The following PEX5L variants were observed in gnomAD, a reference collection of about 807,000 sequenced individuals.
PEX5L encodes peroxisomal biogenesis factor 5 like.
In PEX5L, 30 loss-of-function variants were observed where a neutral mutation model predicts 84.0. The observed-to-expected ratio is 0.36, with a 90% CI of 0.27 to 0.48. The LOEUF is 0.48. PEX5L is among the 20% of genes least tolerant of loss of function. The pLI is 0.99. For synonymous variants in PEX5L, 270 were observed against 283.1 expected, an observed-to-expected ratio of 0.95 and a Z score of 0.46; for missense variants, 533 against 754.6, an observed-to-expected ratio of 0.71 and a Z score of 3.44.
In PEX5L at chr3:180,027,069, T is replaced by C. The variant is rs553490496; in HGVS notation, c.21+9510A>G. On this transcript the variant is annotated intron_variant, in intron 1 of 14. Transcript: ENST00000467460. ...AGTAGCCATGGTAGAGAGTCCATCC[T>C]GGCAGTAAGGGCAGCCATTGAAGCT... Among the ~76,000 whole-genome samples, 26 of 152,310 alleles carry C rather than the reference T, an allele frequency of 1.7e-4. No individual in the cohort carries two copies. In the South Asian group the frequency reaches 5.0e-3, roughly 29 times the overall value.
intron 2 of PEX5L, among the ~76,000 whole-genome samples, chr3:179,966,669 C>T (rs1238452199): frequency 6.6e-6 from 1 of 152,168 alleles, no homozygotes; most frequent in Non-Finnish European, 1.5e-5. Context: ...TCCATTTTCA[C>T]AACAACCACT....
intron 7 of PEX5L, among the ~76,000 whole-genome samples, chr3:179,867,025 C>CAAAAAAAAAAAAAAAGA (rs1748514572): frequency 2.2e-5 from 2 of 89,388 alleles, no homozygotes; most frequent in African/African-American, 4.3e-5. Flanking sequence ...GACTCTGTCT[C>CAAAAAAAAAAAAAAAGA]AAAAAAAAAA....
chr3:179,990,138 C>T (rs1787246300), intron 1 of PEX5L, among the ~76,000 whole-genome samples: 1 of 152,156 alleles, frequency 6.6e-6, no homozygotes. Flanking sequence ...TACATTTAAA[C>T]CTTCATTTCC....
chr3:179,802,111 G>C, intron 14 of PEX5L, 79 bp from the exon 15 acceptor site: 1 of 975,518 alleles, frequency 1.0e-6, no homozygotes. Context: ...AACAAAATTG[G>C]ATTAAGTGAT....
At position 179,972,824 on chromosome 3, in the gene PEX5L, T is replaced by C. The variant is rs1021237500; in HGVS notation, c.22-1159A>G. 2.6e-5 allele frequency among the ~76,000 whole-genome samples: 4 copies of C among 152,236 alleles called. No individual in the cohort carries two copies. In the East Asian group the frequency reaches 7.7e-4, roughly 29 times the overall value. On this transcript the variant is annotated intron_variant, in intron 1 of 14. Coordinates refer to ENST00000467460, the MANE Select transcript of PEX5L (RefSeq NM_016559.3). ...ATCTCCAATTTTTGTGGGTTTTTTT[T>C]TTACTGTAATAAAGAGATTTCTGCA... is the stretch of plus-strand genomic sequence containing the variant.
intron 2 of PEX5L, among the ~76,000 whole-genome samples, chr3:179,937,382 T>C (rs1262894778): frequency 6.6e-6 from 1 of 152,162 alleles, no homozygotes; most frequent in East Asian, 1.9e-4. Flanking sequence ...GTATTATCTT[T>C]GTACTTTTCT....
At chr3:179,907,911 G>A (rs1301413148) in intron 2 of PEX5L, among the ~76,000 whole-genome samples, 1 of 152,134 alleles carries the variant, frequency 6.6e-6, no homozygotes, top group Admixed American at 6.5e-5. Flanking sequence ...TTATCAGCTG[G>A]TTCCCCAGTC....
intron 4 of PEX5L, among the ~76,000 whole-genome samples, chr3:179,886,444 C>T (rs2108840040): frequency 6.6e-6 from 1 of 152,102 alleles, no homozygotes; most frequent in South Asian, 2.1e-4. Context: ...GTAGGGAATA[C>T]ATATTGTTCT....
intron 2 of PEX5L, among the ~76,000 whole-genome samples, chr3:179,926,063 C>T (rs184274505): frequency 3.3e-5 from 5 of 152,238 alleles, no homozygotes; most frequent in Admixed American, 2.6e-4. Flanking sequence ...CTCAATTGCT[C>T]AAGTCAAAAA....
At chr3:180,009,025 T>G (rs915548247) in intron 1 of PEX5L, among the ~76,000 whole-genome samples, 3 of 152,264 alleles carry the variant, frequency 2.0e-5, no homozygotes, top group African/African-American at 7.2e-5. Context: ...ATAGTGTTGA[T>G]GAATAAATGA....
intron 4 of PEX5L, among the ~76,000 whole-genome samples, chr3:179,883,327 G>T (rs1754747569): frequency 6.6e-6 from 1 of 152,192 alleles, no homozygotes; most frequent in Non-Finnish European, 1.5e-5. Context: ...CTGTAGCAGG[G>T]GGATTTCCAG....
intron 2 of PEX5L, among the ~76,000 whole-genome samples, chr3:179,909,374 T>C (rs1433172173): frequency 1.3e-5 from 2 of 152,118 alleles, no homozygotes; most frequent in African/African-American, 4.8e-5. Flanking sequence ...ATAATGAATG[T>C]ACAGAGAAAA....
chr3:179,881,949 T>C (rs1218710184), intron 4 of PEX5L, among the ~76,000 whole-genome samples: 1 of 152,196 alleles, frequency 6.6e-6, no homozygotes, highest in Non-Finnish European at 1.5e-5. Context: ...CATTCAGAAC[T>C]AAGCTGCCTG....
chr3:179,848,331 A>T (rs1159375596), intron 8 of PEX5L, among the ~76,000 whole-genome samples: 1 of 152,050 alleles, frequency 6.6e-6, no homozygotes, highest in East Asian at 1.9e-4. Context: ...TGGGCAGATC[A>T]CTTGAGCTCA....
chr3:179,913,629 C>T (rs1765940573), intron 2 of PEX5L, among the ~76,000 whole-genome samples: 1 of 151,990 alleles, frequency 6.6e-6, no homozygotes, highest in Admixed American at 6.6e-5. Flanking sequence ...TTAAAAGTTG[C>T]TTATTTTCTT....
chr3:179,863,428 C>T lies in PEX5L; in HGVS notation c.727-4271G>A, dbSNP rs561544017. On this transcript the variant is annotated intron_variant, in intron 7 of 14. Coordinates refer to ENST00000467460, the MANE Select transcript of PEX5L (RefSeq NM_016559.3). The stretch of plus-strand genomic sequence containing the variant: ...CCCTCAGAATAGGAGAAAATATTTG[C>T]TAACCATACATCTGATAAGGGGTTA... Among the ~76,000 whole-genome samples the T allele has an allele frequency of 3.3e-5, 5 of 152,210 alleles. No individual in the cohort carries two copies. The South Asian group carries it at 8.3e-4, about 25-fold the overall frequency.
intron 1 of PEX5L, among the ~76,000 whole-genome samples, chr3:179,972,939 A>G (rs572110305): frequency 4.6e-5 from 7 of 152,314 alleles, no homozygotes; most frequent in Admixed American, 6.5e-5. Flanking sequence ...AGATGGCCAC[A>G]GCATTTCTCC....
chr3:179,831,015 T>C (rs980019594), intron 8 of PEX5L, among the ~76,000 whole-genome samples: 1 of 152,144 alleles, frequency 6.6e-6, no homozygotes, highest in Admixed American at 6.6e-5. Context: ...AAAGCAGGTC[T>C]ACCATTTTAA....
intron 1 of PEX5L, among the ~76,000 whole-genome samples, chr3:180,004,239 C>CTAG (rs1788675654): frequency 6.6e-6 from 1 of 152,184 alleles, no homozygotes; most frequent in South Asian, 2.1e-4. Context: ...ACCACTGATG[C>CTAG]TAGCTACATT....
Sources: allele counts gnomAD v4.1 joint callset (sites outside exome capture counted in the v4.1 genomes callset), GRCh38; gene constraint gnomAD v4.1.1; transcripts MANE v1.5; gene names NCBI Gene and HGNC (gene_info 2026-07-23, HGNC 2026-07-21).